The following ADRA1B variants were observed in gnomAD, a reference collection of about 807,000 sequenced individuals.
The protein encoded by ADRA1B is alpha-1B adrenergic receptor.
In ADRA1B, 17 loss-of-function variants were observed where a neutral mutation model predicts 17.9. The observed-to-expected ratio is 0.95, with a 90% CI of 0.65 to 1.42. ADRA1B has a LOEUF of 1.42. Ranked by LOEUF, ADRA1B falls within the 40% of genes most tolerant of loss-of-function variation. The pLI is 0.00. For synonymous variants in ADRA1B, 366 were observed against 327.6 expected, an observed-to-expected ratio of 1.12 and a Z score of -1.27; for missense variants, 681 against 722.1, an observed-to-expected ratio of 0.94 and a Z score of 0.65.
At chr5:159,962,757 A>G (rs1252307153) in intron 1 of ADRA1B, among the ~76,000 whole-genome samples, 1 of 145,776 alleles carries the variant, frequency 6.9e-6, no homozygotes, top group Admixed American at 6.8e-5. Flanking sequence ...TTCAGCCTCA[A>G]CCTCCTGAGC....
chr5:159,967,940 C>G, intron 1 of ADRA1B, among the ~76,000 whole-genome samples: 1 of 152,206 alleles, frequency 6.6e-6, no homozygotes, highest in Admixed American at 6.5e-5. Context: ...GAAGAACAAC[C>G]AAAAAACGTA....
chr5:159,982,664 G>A, the ADRA1B span, among the ~76,000 whole-genome samples: 1 of 152,122 alleles, frequency 6.6e-6, no homozygotes, highest in African/African-American at 2.4e-5. Flanking sequence ...GTACCTGGAA[G>A]GAAGCACCTC....
chr5:159,873,835 G>C (rs990077878), intron 1 of ADRA1B, among the ~76,000 whole-genome samples: 5 of 152,180 alleles, frequency 3.3e-5, no homozygotes, highest in African/African-American at 9.6e-5. Context: ...ACCATGAAAT[G>C]ATGAGGCACT....
At chr5:159,968,939 A>G (rs1755820001) in intron 1 of ADRA1B, among the ~76,000 whole-genome samples, 1 of 152,188 alleles carries the variant, frequency 6.6e-6, no homozygotes, top group South Asian at 2.1e-4. Flanking sequence ...TATGTTCTTC[A>G]GACTCAGTGA....
chr5:159,889,212 G>A (rs1388819225), intron 1 of ADRA1B, among the ~76,000 whole-genome samples: 1 of 152,120 alleles, frequency 6.6e-6, no homozygotes. Flanking sequence ...TCATGGAAGG[G>A]CAAGAATGGT....
chr5:159,890,953 T>C (rs1412782153), intron 1 of ADRA1B, among the ~76,000 whole-genome samples: 1 of 152,164 alleles, frequency 6.6e-6, no homozygotes, highest in African/African-American at 2.4e-5. Flanking sequence ...AATTCCCAGG[T>C]TTAAAAGACT....
At chr5:159,913,842 C>CA (rs1721659701), upstream of ADRA1B, among the ~76,000 whole-genome samples, 1 of 152,158 alleles carries the variant, frequency 6.6e-6, no homozygotes. Context: ...CCACCACAAT[C>CA]AAAATGTGGA....
chr5:159,947,562 AAT>A (rs1279896747), intron 1 of ADRA1B: 3 of 285,262 alleles, frequency 1.1e-5, no homozygotes, highest in Non-Finnish European at 1.6e-5. Flanking sequence ...TGGTTGTTGC[AAT>A]AAGCCTCATT....
At chr5:159,944,045 GA>G (rs1406762938) in intron 1 of ADRA1B, among the ~76,000 whole-genome samples, 1 of 152,004 alleles carries the variant, frequency 6.6e-6, no homozygotes, top group East Asian at 1.9e-4. Flanking sequence ...CCTTACCCAA[GA>G]TTTGCTCATT....
At chr5:159,973,563 A>G (rs1755927005), downstream of ADRA1B, among the ~76,000 whole-genome samples, 1 of 152,186 alleles carries the variant, frequency 6.6e-6, no homozygotes, top group Admixed American at 6.5e-5. Flanking sequence ...AAAGACATCC[A>G]AACTGCAGAC....
the ADRA1B span, among the ~76,000 whole-genome samples, chr5:159,988,528 G>A: frequency 1.2e-4 from 18 of 152,124 alleles, no homozygotes; most frequent in Admixed American, 1.0e-3. Context: ...TGTATCACTG[G>A]CCCTTCCCCT....
chr5:159,908,757 T>A (rs550834442), intron 1 of ADRA1B, among the ~76,000 whole-genome samples: 13 of 152,316 alleles, frequency 8.5e-5, no homozygotes, highest in African/African-American at 3.1e-4. Flanking sequence ...CTTGGCACAA[T>A]GCTGCATGCA....
intron 1 of ADRA1B, among the ~76,000 whole-genome samples, chr5:159,936,210 C>T (rs1165355634): frequency 1.3e-5 from 2 of 152,180 alleles, no homozygotes; most frequent in Non-Finnish European, 2.9e-5. Context: ...AAACATCCTA[C>T]AATGCAAAGG....
At chr5:159,987,408 C>T in the ADRA1B span, among the ~76,000 whole-genome samples, 1 of 152,200 alleles carries the variant, frequency 6.6e-6, no homozygotes, top group Non-Finnish European at 1.5e-5. Flanking sequence ...CCGCCTGGAG[C>T]GGGGCATCCT....
At chr5:159,895,122 G>T (rs558443707) in intron 1 of ADRA1B, among the ~76,000 whole-genome samples, 1 of 152,162 alleles carries the variant, frequency 6.6e-6, no homozygotes, top group Non-Finnish European at 1.5e-5. Flanking sequence ...CCACTTCAGC[G>T]CTATCTATGC....
intron 1 of ADRA1B, among the ~76,000 whole-genome samples, chr5:159,935,827 G>A (rs146653660): frequency 9.8e-5 from 15 of 152,320 alleles, no homozygotes; most frequent in African/African-American, 2.4e-4. Context: ...GATTACAGGC[G>A]TGAGCCACCG....
intron 1 of ADRA1B, among the ~76,000 whole-genome samples, chr5:159,893,454 A>G (rs1484133255): frequency 2.0e-5 from 3 of 152,244 alleles, no homozygotes; most frequent in Non-Finnish European, 2.9e-5. Flanking sequence ...GAGGGGCTCC[A>G]AGTGGCAACC....
intron 1 of ADRA1B, among the ~76,000 whole-genome samples, chr5:159,922,643 G>T (rs560167299): frequency 6.6e-6 from 1 of 152,048 alleles, no homozygotes; most frequent in South Asian, 2.1e-4. Flanking sequence ...GTATGACAAG[G>T]GTCTCTCAGG....
rs541926471 is a variant in ADRA1B, at chr5:159,897,906, T to C, written c.-255-18213T>C. On this transcript the variant is annotated intron_variant, in intron 1 of 2. Coordinates refer to the ADRA1B transcript ENST00000641205. ...GATGGCAGAGTAAGGACAAGGGCAC[T>C]GGCGCCTGAACAGAAATGTTCCTGC... 2.6e-5 allele frequency among the ~76,000 whole-genome samples: 4 copies of C among 152,342 alleles called. No homozygotes were observed. The South Asian group carries it at 8.3e-4, about 32-fold the overall frequency.
Sources: gnomAD v4.1 joint callset for allele counts (sites outside exome capture counted in the v4.1 genomes callset) on GRCh38, gnomAD v4.1.1 for gene constraint, MANE v1.5 for transcripts, NCBI Gene and HGNC (gene_info 2026-07-23, HGNC 2026-07-21) for gene names.